MAF: variants seen among roughly 807,000 people sequenced by gnomAD.
MAF encodes MAF bZIP transcription factor, also known as transcription factor Maf.
MAF carries 10 observed loss-of-function variants against 22.0 expected under a neutral mutation model. That is an observed-to-expected ratio of 0.45 (90% CI 0.28 to 0.77). The LOEUF is 0.77. Among genes scored for constraint, MAF ranks in the 30% least tolerant of loss-of-function variants. The probability of loss-of-function intolerance (pLI) is 0.12; values close to 1 mark genes in which losing one functional copy is unlikely to be tolerated. For missense variants in MAF, 544 were observed against 548.4 expected, an observed-to-expected ratio of 0.99 and a Z score of 0.08; for synonymous variants, 337 against 255.8, an observed-to-expected ratio of 1.32 and a Z score of -3.03.
chr16:79,322,113 T>A, the MAF span, among the ~76,000 whole-genome samples: 1 of 152,062 alleles, frequency 6.6e-6, no homozygotes, highest in Non-Finnish European at 1.5e-5. Context: ...ATGCCTGTAA[T>A]CCCAGCTACT....
the MAF span, among the ~76,000 whole-genome samples, chr16:79,275,882 C>A: frequency 1.3e-5 from 2 of 152,162 alleles, no homozygotes; most frequent in Non-Finnish European, 2.9e-5. Flanking sequence ...GGGCTCATGC[C>A]TGTAATCCCA....
At chr16:79,276,601 C>T in the MAF span, among the ~76,000 whole-genome samples, 2 of 152,166 alleles carry the variant, frequency 1.3e-5, no homozygotes, top group Non-Finnish European at 2.9e-5. Context: ...TAGGACTGAG[C>T]AACTTTGACA....
the MAF span, among the ~76,000 whole-genome samples, chr16:79,385,831 C>G: frequency 5.8e-4 from 88 of 152,240 alleles, 1 homozygote; most frequent in African/African-American, 2.1e-3. Flanking sequence ...AACCTGTGTC[C>G]AGAGGTTGGA....
At chr16:79,386,602 A>G in the MAF span, among the ~76,000 whole-genome samples, 1 of 151,914 alleles carries the variant, frequency 6.6e-6, no homozygotes, top group Admixed American at 6.6e-5. Context: ...GTGGATGGGG[A>G]CTCCTGTATA....
At chr16:79,204,344 G>A in the MAF span, 1 of 152,124 alleles carries the variant, frequency 6.6e-6, no homozygotes, top group African/African-American at 2.4e-5. Flanking sequence ...AATGGAAGAT[G>A]GAACAAGTGT....
At chr16:79,534,920 A>C in the MAF span, among the ~76,000 whole-genome samples, 3 of 152,030 alleles carry the variant, frequency 2.0e-5, no homozygotes, top group African/African-American at 7.3e-5. Flanking sequence ...TCTCAGCTTC[A>C]GTTTTACTTT....
At chr16:79,540,042 C>G in the MAF span, among the ~76,000 whole-genome samples, 7 of 152,068 alleles carry the variant, frequency 4.6e-5, no homozygotes, top group East Asian at 9.7e-4. Context: ...CTGGGAGGAG[C>G]CTCATTTGTG....
the MAF span, among the ~76,000 whole-genome samples, chr16:79,439,415 C>A: frequency 6.6e-6 from 1 of 151,816 alleles, no homozygotes; most frequent in African/African-American, 2.4e-5. Flanking sequence ...GCGCCCGTCA[C>A]CATGCCCGGC....
At chr16:79,476,346 T>C in the MAF span, among the ~76,000 whole-genome samples, 2 of 152,158 alleles carry the variant, frequency 1.3e-5, no homozygotes, top group African/African-American at 4.8e-5. Flanking sequence ...TACTGTGAGA[T>C]AAATAAATGT....
chr16:79,337,160 A>C, the MAF span, among the ~76,000 whole-genome samples: 2 of 152,236 alleles, frequency 1.3e-5, no homozygotes, highest in African/African-American at 4.8e-5. Flanking sequence ...TGAGTGGGTC[A>C]TAGGTCCCTG....
the MAF span, among the ~76,000 whole-genome samples, chr16:79,281,618 G>A: frequency 5.5e-5 from 8 of 144,450 alleles, no homozygotes; most frequent in East Asian, 4.2e-4. Context: ...GCGCCATCTC[G>A]GCTCACTGCA....
the MAF span, among the ~76,000 whole-genome samples, chr16:79,458,712 T>A: frequency 2.0e-5 from 3 of 152,200 alleles, no homozygotes; most frequent in Non-Finnish European, 4.4e-5. Flanking sequence ...TGTTAGGTTG[T>A]TTGTTGTTAC....
At chr16:79,220,542 G>C in the MAF span, among the ~76,000 whole-genome samples, 1 of 152,034 alleles carries the variant, frequency 6.6e-6, no homozygotes, top group Non-Finnish European at 1.5e-5. Context: ...CGAACAGATA[G>C]ATATATGGTA....
the MAF span, among the ~76,000 whole-genome samples, chr16:79,268,042 G>C: frequency 1.2e-4 from 18 of 152,206 alleles, no homozygotes; most frequent in African/African-American, 4.3e-4. Flanking sequence ...CTCCCCTCTA[G>C]GGGAGCTGGG....
At chr16:79,579,382 T>C in the MAF span, among the ~76,000 whole-genome samples, 1 of 152,162 alleles carries the variant, frequency 6.6e-6, no homozygotes, top group Non-Finnish European at 1.5e-5. Context: ...ACATATATAT[T>C]TATATACACA....
At chr16:79,362,914 CT>C in the MAF span, among the ~76,000 whole-genome samples, 3 of 152,078 alleles carry the variant, frequency 2.0e-5, no homozygotes, top group East Asian at 1.9e-4. Context: ...CTGGTATATC[CT>C]TTTTTTATGA....
chr16:79,568,281 CT>C, the MAF span, among the ~76,000 whole-genome samples: 51 of 152,198 alleles, frequency 3.4e-4, no homozygotes, highest in African/African-American at 1.2e-3. Context: ...CTAATGGTCC[CT>C]GGTGTCTTCC....
the MAF span, among the ~76,000 whole-genome samples, chr16:79,412,912 T>A: frequency 6.6e-6 from 1 of 152,236 alleles, no homozygotes; most frequent in Non-Finnish European, 1.5e-5. Flanking sequence ...GGGCTTCGCC[T>A]TGCCCTGTAG....
At chr16:79,212,956 T>TTTTG in the MAF span, 1 of 151,984 alleles carries the variant, frequency 6.6e-6, no homozygotes, top group African/African-American at 2.4e-5. Flanking sequence ...CCTTAAGATG[T>TTTTG]TTTGTTATTA....
Sources: gnomAD v4.1 joint callset for allele counts (sites outside exome capture counted in the v4.1 genomes callset) on GRCh38, gnomAD v4.1.1 for gene constraint, MANE v1.5 for transcripts, NCBI Gene and HGNC (gene_info 2026-07-23, HGNC 2026-07-21) for gene names.